CACNA1C: variants seen among roughly 807,000 people sequenced by gnomAD.
The protein encoded by CACNA1C is voltage-dependent L-type calcium channel subunit alpha-1C.
A neutral mutation model predicts 229.0 loss-of-function variants in CACNA1C; 30 were observed. The observed-to-expected ratio is 0.13, with a 90% CI of 0.10 to 0.18. The LOEUF (loss-of-function observed/expected upper bound fraction) is 0.18. Among genes scored for constraint, CACNA1C ranks in the 10% least tolerant of loss-of-function variants. The pLI, the probability that CACNA1C is intolerant of heterozygous loss-of-function variation, is 1.00. For missense variants in CACNA1C, 1,658 were observed against 2,845.0 expected, an observed-to-expected ratio of 0.58 and a Z score of 9.49; for synonymous variants, 1,114 against 1,132.5, an observed-to-expected ratio of 0.98 and a Z score of 0.33.
At chr12:2,262,383 C>A (rs2080609375) in intron 3 of CACNA1C, among the ~76,000 whole-genome samples, 1 of 152,142 alleles carries the variant, frequency 6.6e-6, no homozygotes, top group South Asian at 2.1e-4. Context: ...GTTTTGAGTC[C>A]CCAGTCTGTT....
chr12:2,192,943 A>G (rs1232252766), intron 3 of CACNA1C, among the ~76,000 whole-genome samples: 3 of 152,242 alleles, frequency 2.0e-5, no homozygotes, highest in Non-Finnish European at 4.4e-5. Flanking sequence ...TTCATCAGGT[A>G]CAAATGGGAA....
At chr12:1,976,281 G>C (rs980170828) in intron 1 of CACNA1C, among the ~76,000 whole-genome samples, 4 of 152,164 alleles carry the variant, frequency 2.6e-5, no homozygotes, top group African/African-American at 4.8e-5. Flanking sequence ...ATAATAAATA[G>C]ATCAATTTTT....
chr12:2,291,265 G>A (rs574297946), intron 3 of CACNA1C, among the ~76,000 whole-genome samples: 2 of 152,236 alleles, frequency 1.3e-5, no homozygotes, highest in East Asian at 1.9e-4. Flanking sequence ...TTTTAATGAC[G>A]GGGACTTAAA....
chr12:2,068,463 T>C (rs1349150229), intron 1 of CACNA1C, among the ~76,000 whole-genome samples: 1 of 152,250 alleles, frequency 6.6e-6, no homozygotes, highest in Non-Finnish European at 1.5e-5. Flanking sequence ...ACTCAAATTC[T>C]CTGCAGCGGC....
intron 1 of CACNA1C, among the ~76,000 whole-genome samples, chr12:2,062,585 T>TA (rs1156652045): frequency 6.6e-6 from 1 of 152,230 alleles, no homozygotes; most frequent in African/African-American, 2.4e-5. Flanking sequence ...TCCTTGTTCT[T>TA]ACTTGATGGC....
At chr12:2,492,148 C>G (rs2099736757) in intron 6 of CACNA1C, among the ~76,000 whole-genome samples, 1 of 152,198 alleles carries the variant, frequency 6.6e-6, no homozygotes, top group African/African-American at 2.4e-5. Context: ...CCTTCCATAG[C>G]CAGAGCCAAG....
intron 3 of CACNA1C, among the ~76,000 whole-genome samples, chr12:2,342,036 G>A (rs1246568394): frequency 2.6e-5 from 4 of 152,180 alleles, no homozygotes; most frequent in Non-Finnish European, 5.9e-5. Flanking sequence ...GTATTACAGG[G>A]CCCAGTCATT....
In CACNA1C at chr12:2,601,935, G is replaced by A. The variant is rs1555874590; in HGVS notation, c.2935G>A (p.Val979Met). 2 of 1,612,794 alleles carry A rather than the reference G, an allele frequency of 1.2e-6. No homozygotes were observed. Among genetic ancestry groups the A allele is most frequent in the Non-Finnish European group, 1.7e-6 (2 of 1,178,774 alleles). The change falls in exon 22 of 47, where the codon GTG becomes ATG. Residue 979 changes from valine (V) to methionine (M), a missense_variant. Around this residue, in one of 20 missense-constraint regions of CACNA1C, gnomAD observed 39 missense variants for 143.3 expected, o/e 0.27. Transcript: ENST00000399655. This position sits in a 1 kb window ranked among gnomAD's most constrained non-coding sequence, Gnocchi z 5.9. ...FNILDLLVVSVSLISFGIQSS... is the reference protein window; with the variant it reads ...FNILDLLVVSMSLISFGIQSS... ...CATCCTGGACCTGCTGGTGGTCAGC[G>A]TGTCCCTCATCTCCTTTGGCATCCA...
chr12:2,210,930 A>G (rs978842535), intron 3 of CACNA1C, among the ~76,000 whole-genome samples: 2 of 152,184 alleles, frequency 1.3e-5, no homozygotes, highest in African/African-American at 4.8e-5. Flanking sequence ...GAAGGAAGAA[A>G]GTATACAGGT....
chr12:2,519,809 GC>G (rs1346007165), intron 9 of CACNA1C, among the ~76,000 whole-genome samples: 6 of 152,306 alleles, frequency 3.9e-5, no homozygotes, highest in Admixed American at 2.0e-4. Flanking sequence ...GGGCGTGGGG[GC>G]CATGTTGTAG....
At chr12:2,468,231 A>G (rs1224585455) in intron 5 of CACNA1C, among the ~76,000 whole-genome samples, 1 of 152,252 alleles carries the variant, frequency 6.6e-6, no homozygotes, top group Non-Finnish European at 1.5e-5. Context: ...TCCTCATGGC[A>G]AAGAATGCCT....
At chr12:2,478,033 A>G (rs369694578) in intron 5 of CACNA1C, among the ~76,000 whole-genome samples, 3 of 152,026 alleles carry the variant, frequency 2.0e-5, no homozygotes, top group African/African-American at 7.2e-5. Flanking sequence ...GACTCTTAGG[A>G]AGGAGTGAAG....
chr12:2,453,182 C>T (rs988074007), intron 4 of CACNA1C, among the ~76,000 whole-genome samples: 1 of 152,170 alleles, frequency 6.6e-6, no homozygotes, highest in Non-Finnish European at 1.5e-5. Flanking sequence ...GCCAGTCACG[C>T]AGCCAGTCTG....
chr12:2,302,203 T>C (rs1234779028), intron 3 of CACNA1C, among the ~76,000 whole-genome samples: 7 of 152,060 alleles, frequency 4.6e-5, no homozygotes, highest in Admixed American at 3.9e-4. Context: ...TGAGGCCTCA[T>C]TCTTGCTATT....
intron 1 of CACNA1C, among the ~76,000 whole-genome samples, chr12:2,035,642 G>T (rs1043204223): frequency 4.6e-5 from 7 of 152,350 alleles, no homozygotes; most frequent in Admixed American, 2.0e-4. Context: ...CCAGATTCAA[G>T]CTGGGATCCC....
intron 3 of CACNA1C, among the ~76,000 whole-genome samples, chr12:2,173,583 G>A (rs796400315): frequency 1.2e-4 from 18 of 152,218 alleles, no homozygotes; most frequent in African/African-American, 4.3e-4. Flanking sequence ...CATGCTCTAT[G>A]TGCAGTGTGT....
rs139663695 is a variant in CACNA1C at position 2,129,320 on chromosome 12, G to A, written c.477+8890G>A. ...TGCTTCATCTCATGGTCATAAACCC[G>A]CAGAGAGCCTGGGGCAATTGTTTGA... is the stretch of plus-strand genomic sequence containing the variant. On this transcript the variant is annotated intron_variant, in intron 3 of 46. Transcript: ENST00000399655. Among the ~76,000 whole-genome samples the A allele has an allele frequency of 1.1e-4, 16 of 152,280 alleles. No individual in the cohort carries two copies. In the East Asian group the frequency reaches 3.1e-3, roughly 29 times the overall value.
intron 1 of CACNA1C, among the ~76,000 whole-genome samples, chr12:1,976,263 A>C (rs765406702): frequency 2.0e-5 from 3 of 152,208 alleles, no homozygotes; most frequent in Non-Finnish European, 4.4e-5. Context: ...CTCTCTAAGC[A>C]ATGGTGCATA....
chr12:2,336,713 T>G (rs2096707487), intron 3 of CACNA1C, among the ~76,000 whole-genome samples: 2 of 152,110 alleles, frequency 1.3e-5, no homozygotes, highest in Non-Finnish European at 2.9e-5. Context: ...AGCTGGGAAA[T>G]GAGGCCAACC....
Sources: allele counts gnomAD v4.1 joint callset (sites outside exome capture counted in the v4.1 genomes callset), GRCh38; gene constraint gnomAD v4.1.1; regional missense constraint gnomAD v4.1.1; non-coding constraint Gnocchi (gnomAD v3.1); transcripts MANE v1.5; gene names NCBI Gene and HGNC (gene_info 2026-07-23, HGNC 2026-07-21).